The following PSMA6 variants were observed in gnomAD, a reference collection of about 807,000 sequenced individuals.
PSMA6 encodes proteasome subunit alpha type-6.
For missense variants in PSMA6, 170 were observed against 294.8 expected (o/e 0.58, Z 3.10); for synonymous variants, 88 against 97.7 (o/e 0.90, Z 0.59).
intron 6 of PSMA6, 95 bp from the exon 7 acceptor site, chr14:35,317,154 T>C: frequency 1.2e-6 from 1 of 835,582 alleles, no homozygotes; most frequent in Non-Finnish European, 2.1e-6. Context: ...AGTAGGTTGA[T>C]AGGTATATGG....
At chr14:35,288,576 C>T (rs971813547), upstream of PSMA6, among the ~76,000 whole-genome samples, 4 of 152,156 alleles carry the variant, frequency 2.6e-5, no homozygotes, top group African/African-American at 9.7e-5. Flanking sequence ...ATTTTTAATC[C>T]TAGCTTTCAA....
At chr14:35,279,569 A>G (rs1168963266) in intron 1 of PSMA6, among the ~76,000 whole-genome samples, 4 of 152,170 alleles carry the variant, frequency 2.6e-5, no homozygotes, top group Non-Finnish European at 4.4e-5. Context: ...ACTTAGCGCT[A>G]TTCTGGCAGG....
At chr14:35,303,775 G>T (rs948768151) in intron 1 of PSMA6, among the ~76,000 whole-genome samples, 1 of 152,016 alleles carries the variant, frequency 6.6e-6, no homozygotes. Context: ...TAAATATTCA[G>T]GGAAAAAATT....
intron 1 of PSMA6, among the ~76,000 whole-genome samples, chr14:35,299,605 A>G (rs892348535): frequency 6.6e-6 from 1 of 151,832 alleles, no homozygotes; most frequent in Non-Finnish European, 1.5e-5. Context: ...TACAGGCGTG[A>G]GCCACCATGC....
chr14:35,293,158 G>C (rs776479620), intron 1 of PSMA6: 14 of 374,580 alleles, frequency 3.7e-5, no homozygotes, highest in Non-Finnish European at 5.9e-5. Flanking sequence ...GACATCTTTG[G>C]GAATCTGATA....
intron 1 of PSMA6, chr14:35,293,200 G>A (rs983931169): frequency 2.1e-5 from 7 of 334,380 alleles, no homozygotes; most frequent in African/African-American, 1.5e-4. Context: ...AGCTGCTCTT[G>A]AGATTGGCAT....
chr14:35,312,972 A>T lies in PSMA6; in HGVS notation c.501A>T (p.Ala167=), dbSNP rs1457004817. The part of the protein sequence containing the change: ...AGYYCGFKAT[A]AGVKQTESTS... ...ACTACTGTGGGTTTAAAGCCACTGC[A>T]GCGGGAGTTAAACAAACTGAGTCAA... Residue 167 remains alanine, a synonymous_variant, in exon 5 of 7, where the codon GCA becomes GCT. Transcript: ENST00000261479. The T allele has an allele frequency of 6.3e-7, 1 of 1,583,560 alleles. No homozygotes were observed. The highest frequency in any genetic ancestry group is 1.4e-5 in the African/African-American group (1 of 72,456).
At chr14:35,310,140 CTAATT>C (rs2051913902) in intron 3 of PSMA6, 1 of 409,958 alleles carries the variant, frequency 2.4e-6, no homozygotes, top group Non-Finnish European at 4.7e-6. Flanking sequence ...AAATGAAAAA[CTAATT>C]TAAGCCTAAA....
intron 1 of PSMA6, among the ~76,000 whole-genome samples, chr14:35,298,829 G>T (rs1381378171): frequency 6.6e-6 from 1 of 150,970 alleles, no homozygotes; most frequent in African/African-American, 2.4e-5. Flanking sequence ...CGCCTCCCAG[G>T]TTAACTCAAT....
chr14:35,312,423 C>T (rs1249398709), intron 4 of PSMA6, among the ~76,000 whole-genome samples: 3 of 144,490 alleles, frequency 2.1e-5, no homozygotes, highest in Admixed American at 7.2e-5. Context: ...AGGAGAATGG[C>T]GTGAACCCGG....
Position 35,305,309 on chromosome 14 carries a change from A to G in PSMA6, c.77-2685A>G, listed in dbSNP as rs140234962. On this transcript the variant is annotated intron_variant, in intron 1 of 6. Transcript: ENST00000261479. ...AGGTGTACCACCATGCCTAGCTAAC[A>G]TTTTTTTGTAGAGACAGGGTCTTGC... 8.6e-3 allele frequency among the ~76,000 whole-genome samples: 1,309 copies of G among 151,622 alleles called. 18 individuals carry two copies. The highest frequency in any genetic ancestry group is 0.029 in the African/African-American group (1,219 of 41,374).
upstream of PSMA6, among the ~76,000 whole-genome samples, chr14:35,289,275 A>G (rs763328751): frequency 2.6e-5 from 4 of 152,194 alleles, no homozygotes; most frequent in African/African-American, 2.4e-5. Context: ...AATCCTTGCC[A>G]TCACAGAGGT....
At chr14:35,280,041 C>T (rs2051348950) in intron 1 of PSMA6, among the ~76,000 whole-genome samples, 5 of 151,766 alleles carry the variant, frequency 3.3e-5, no homozygotes, top group Admixed American at 2.6e-4. Context: ...AGGAGAATGG[C>T]GTGAACCAGG....
chr14:35,291,370 A>G (rs1022567070), upstream of PSMA6, among the ~76,000 whole-genome samples: 5 of 151,970 alleles, frequency 3.3e-5, no homozygotes, highest in African/African-American at 1.2e-4. Context: ...GGCGCCCGCC[A>G]CCACGCCTGG....
At chr14:35,292,907 A>G (rs1196234873) in intron 1 of PSMA6, 2 of 488,468 alleles carry the variant, frequency 4.1e-6, no homozygotes, top group East Asian at 5.9e-5. Flanking sequence ...TTGATTCCTT[A>G]ACGTCTCAAC....
intron 1 of PSMA6, among the ~76,000 whole-genome samples, chr14:35,283,377 A>G (rs555231566): frequency 4.9e-4 from 74 of 151,540 alleles, no homozygotes; most frequent in African/African-American, 7.0e-4. Flanking sequence ...AAAAAAAAAA[A>G]AGAGAGAGAA....
intron 1 of PSMA6, among the ~76,000 whole-genome samples, chr14:35,283,657 G>T (rs773395917): frequency 6.6e-6 from 1 of 151,134 alleles, no homozygotes; most frequent in Non-Finnish European, 1.5e-5. Flanking sequence ...CTGGGCTCAA[G>T]CAATTATCCT....
rs949119074 is a variant in PSMA6, at chr14:35,305,300, C to A, written c.77-2694C>A. Among the ~76,000 whole-genome samples the A allele has an allele frequency of 3.3e-5, 5 of 152,162 alleles. No individual in the cohort carries two copies. The East Asian group carries it at 9.7e-4, about 29-fold the overall frequency. On this transcript the variant is annotated intron_variant, in intron 1 of 6. Coordinates refer to ENST00000261479, the MANE Select transcript of PSMA6 (RefSeq NM_002791.3). Reference sequence around the variant, plus strand: ...TGGGACCACAGGTGTACCACCATGCCTAGCTAACATTTTTTTGTAGAGACA... The same window carrying A: ...TGGGACCACAGGTGTACCACCATGCATAGCTAACATTTTTTTGTAGAGACA...
chr14:35,312,775 T>C lies in PSMA6; in HGVS notation c.410-106T>C, dbSNP rs897575459. On this transcript the variant is annotated intron_variant, in intron 4 of 6. Coordinates refer to ENST00000261479, the MANE Select transcript of PSMA6 (RefSeq NM_002791.3). ...TAAAGGAAAATACATATCCTAAAAT[T>C]GATGGCCAAAGTCATGATTAGCAGC... is the stretch of plus-strand genomic sequence containing the variant. 5.8e-6 allele frequency: 6 copies of C among 1,029,760 alleles called. No individual in the cohort carries two copies. The African/African-American group carries it at 8.5e-5, about 15-fold the overall frequency. 63.8% of individuals were successfully genotyped at this position (1,029,760 alleles called of 1,614,324 possible). A position where few individuals can be genotyped will look rare whatever the true frequency, so the allele number is the denominator to read the frequency against.
Sources: gnomAD v4.1 joint callset for allele counts (sites outside exome capture counted in the v4.1 genomes callset) on GRCh38, gnomAD v4.1.1 for gene constraint, MANE v1.5 for transcripts, NCBI Gene and HGNC (gene_info 2026-07-23, HGNC 2026-07-21) for gene names.